Variants in THADA observed in about 807,000 individuals in gnomAD.
The protein encoded by THADA is tRNA (32-2'-O)-methyltransferase regulator THADA.
A neutral mutation model predicts 219.8 loss-of-function variants in THADA; 213 were observed. That is an observed-to-expected ratio of 0.97 (90% confidence interval 0.87 to 1.09). The LOEUF (loss-of-function observed/expected upper bound fraction) is 1.09. Ranked by LOEUF, THADA falls within the 50% of genes least tolerant of loss-of-function variation. The pLI is 0.00. For synonymous variants in THADA, 1,018 were observed against 828.9 expected (o/e 1.23, Z -3.92); for missense variants, 2,956 against 2,311.3 (o/e 1.28, Z -5.72).
intron 29 of THADA, among the ~76,000 whole-genome samples, chr2:43,363,703 G>A (rs1320705474): frequency 1.3e-5 from 2 of 152,182 alleles, no homozygotes; most frequent in African/African-American, 2.4e-5. Context: ...AGTAGTTCAT[G>A]AGTCTGTGGA....
intron 16 of THADA, among the ~76,000 whole-genome samples, chr2:43,559,054 G>A (rs1221179991): frequency 1.3e-5 from 2 of 152,100 alleles, no homozygotes; most frequent in Admixed American, 6.5e-5. Flanking sequence ...CTCCATCCAG[G>A]TACTCTCAAA....
chr2:43,360,338 C>A (rs1324579979), intron 29 of THADA, among the ~76,000 whole-genome samples: 1 of 152,196 alleles, frequency 6.6e-6, no homozygotes, highest in Non-Finnish European at 1.5e-5. Context: ...ACCATGTGGG[C>A]TGAGATAAAC....
chr2:43,527,214 G>A lies in THADA; in HGVS notation c.3374+665C>T, dbSNP rs147509753. 2.2e-3 allele frequency among the ~76,000 whole-genome samples: 338 copies of A among 152,260 alleles called. 1 individual carries two copies. Among genetic ancestry groups the A allele is most frequent in the Middle Eastern group, 0.01 (3 of 294 alleles). ...CAAAAAGTTTCCAGGCAATGGAAAT[G>A]TTTTCCTGGAAAATACTACCTTTTA... On this transcript the variant is annotated intron_variant, in intron 22 of 37. Transcript: ENST00000405975.
chr2:43,332,301 T>C (rs1209205623), intron 30 of THADA, among the ~76,000 whole-genome samples: 11 of 152,214 alleles, frequency 7.2e-5, no homozygotes, highest in Admixed American at 7.2e-4. Context: ...GACTTCTCCC[T>C]CTTCCTGAAG....
chr2:43,557,365 CAT>C (rs1417154883), intron 16 of THADA, among the ~76,000 whole-genome samples: 2 of 152,170 alleles, frequency 1.3e-5, no homozygotes, highest in African/African-American at 4.8e-5. Flanking sequence ...CAGGGCAGTT[CAT>C]AGTCTCTCAG....
chr2:43,477,834 T>C (rs1685722630), intron 26 of THADA, among the ~76,000 whole-genome samples: 1 of 152,254 alleles, frequency 6.6e-6, no homozygotes, highest in Admixed American at 6.5e-5. Context: ...TTTCCTCATC[T>C]GATTCATCTT....
At chr2:43,364,929 TTTAAGTAGGGAA>T (rs1669953447) in intron 29 of THADA, among the ~76,000 whole-genome samples, 1 of 152,102 alleles carries the variant, frequency 6.6e-6, no homozygotes, top group Non-Finnish European at 1.5e-5. Flanking sequence ...ACTAATGGGT[TTTAAGTAGGGAA>T]TTAAGTTAAT....
chr2:43,421,233 T>C (rs1459472187), intron 28 of THADA, among the ~76,000 whole-genome samples: 4 of 152,216 alleles, frequency 2.6e-5, no homozygotes, highest in African/African-American at 7.2e-5. Flanking sequence ...GACAGTCACA[T>C]AGTGAAACCA....
chr2:43,372,776 T>G (rs1292695725), intron 29 of THADA, among the ~76,000 whole-genome samples: 4 of 152,206 alleles, frequency 2.6e-5, no homozygotes, highest in African/African-American at 9.7e-5. Context: ...TTGAGACAGA[T>G]TCTCACTCTG....
intron 29 of THADA, among the ~76,000 whole-genome samples, chr2:43,367,334 G>A (rs1670276276): frequency 6.6e-6 from 1 of 151,032 alleles, no homozygotes; most frequent in Admixed American, 6.6e-5. Context: ...TATGTTATGT[G>A]TCTTTTTTTA....
At position 43,590,809 on chromosome 2, in the gene THADA, T is replaced by C. The variant is rs761681098; in HGVS notation, c.302+15A>G. On this transcript the variant is annotated intron_variant, in intron 4 of 37. Transcript: ENST00000405975. ...AACATTTATAACACCCAACTTCCCTTCCTTTTTTTCTTACCTTGCCAATAC... is the reference window on the plus strand; with the variant it reads ...AACATTTATAACACCCAACTTCCCTCCCTTTTTTTCTTACCTTGCCAATAC... 1.2e-6 allele frequency: 2 copies of C among 1,602,540 alleles called. No individual in the cohort carries two copies. The highest frequency in any genetic ancestry group is 1.4e-5 in the African/African-American group (1 of 72,964).
intron 26 of THADA, among the ~76,000 whole-genome samples, chr2:43,447,553 T>A (rs1172521970): frequency 6.6e-6 from 1 of 152,178 alleles, no homozygotes; most frequent in Non-Finnish European, 1.5e-5. Context: ...AATCTGCCTG[T>A]CACAAATGCT....
intron 20 of THADA, among the ~76,000 whole-genome samples, chr2:43,544,939 T>A (rs1216495142): frequency 6.6e-6 from 1 of 151,238 alleles, no homozygotes; most frequent in African/African-American, 2.4e-5. Context: ...AGAGAGGGCA[T>A]CCCTGTCTTG....
intron 14 of THADA, among the ~76,000 whole-genome samples, chr2:43,567,793 A>G (rs975097936): frequency 6.6e-6 from 1 of 152,236 alleles, no homozygotes; most frequent in African/African-American, 2.4e-5. Flanking sequence ...CTACATACAT[A>G]GTAATGCTCA....
chr2:43,539,994 A>G (rs932047451), intron 21 of THADA, among the ~76,000 whole-genome samples: 3 of 152,230 alleles, frequency 2.0e-5, no homozygotes, highest in African/African-American at 7.2e-5. Context: ...TTTTTTAAAC[A>G]CTACCCAACA....
chr2:43,523,453 T>C (rs1229283820), intron 22 of THADA, among the ~76,000 whole-genome samples: 4 of 152,228 alleles, frequency 2.6e-5, no homozygotes, highest in East Asian at 1.9e-4. Context: ...AAATCTTATA[T>C]ATTACATTCT....
At chr2:43,237,643 C>T (rs1289394133) in intron 36 of THADA, among the ~76,000 whole-genome samples, 10 of 151,798 alleles carry the variant, frequency 6.6e-5, no homozygotes, top group African/African-American at 2.4e-4. Flanking sequence ...TCGTGATCCA[C>T]CCGCCTCGGC....
At chr2:43,297,377 G>A (rs1253501572) in intron 31 of THADA, among the ~76,000 whole-genome samples, 5 of 98,244 alleles carry the variant, frequency 5.1e-5, no homozygotes, top group East Asian at 2.4e-4. Context: ...GAGCCTCTCT[G>A]CCCGGCAGCC....
At chr2:43,507,976 G>A (rs139083449) in intron 23 of THADA, among the ~76,000 whole-genome samples, 2 of 152,214 alleles carry the variant, frequency 1.3e-5, no homozygotes, top group Non-Finnish European at 2.9e-5. Context: ...AAAGGAAAAC[G>A]GACTCGCACA....
Sources: gnomAD v4.1 joint callset for allele counts (sites outside exome capture counted in the v4.1 genomes callset) on GRCh38, gnomAD v4.1.1 for gene constraint, MANE v1.5 for transcripts, NCBI Gene and HGNC (gene_info 2026-07-23, HGNC 2026-07-21) for gene names.